SLC2A13: variants seen among roughly 807,000 people sequenced by gnomAD.
SLC2A13 encodes the protein solute carrier family 2 member 13.
Under a neutral mutation model 64.4 loss-of-function variants are expected in SLC2A13, and 32 were observed. The observed-to-expected ratio is 0.50, with a 90% CI of 0.37 to 0.67. The LOEUF (loss-of-function observed/expected upper bound fraction) is 0.67, where lower values mean the gene tolerates loss of function less well. Among genes scored for constraint, SLC2A13 ranks in the 30% least tolerant of loss-of-function variants. The pLI, the probability that SLC2A13 is intolerant of heterozygous loss-of-function variation, is 0.00. For synonymous variants in SLC2A13, 338 were observed against 327.1 expected (o/e 1.03, Z -0.36); for missense variants, 743 against 829.2 (o/e 0.90, Z 1.28).
At chr12:39,916,033 G>A (rs1351232975) in intron 4 of SLC2A13, among the ~76,000 whole-genome samples, 1 of 151,698 alleles carries the variant, frequency 6.6e-6, no homozygotes, top group Non-Finnish European at 1.5e-5. Context: ...ACAAATATCT[G>A]CCACCATTGA....
chr12:40,088,670 C>T lies in SLC2A13; in HGVS notation c.556+16583G>A, dbSNP rs375562562. On this transcript the variant is annotated intron_variant, in intron 1 of 9. Coordinates refer to ENST00000280871, the MANE Select transcript of SLC2A13 (RefSeq NM_052885.4). ...AACATGGTAAGACTTTCTAAAAATG[C>T]TTTTTATTCACACTTTACTTAAGAT... Among the ~76,000 whole-genome samples the T allele has an allele frequency of 9.2e-5, 14 of 152,180 alleles. No individual in the cohort carries two copies. The East Asian group carries it at 2.1e-3, about 23-fold the overall frequency.
chr12:39,906,348 A>C (rs986908553), intron 4 of SLC2A13, among the ~76,000 whole-genome samples: 1 of 152,156 alleles, frequency 6.6e-6, no homozygotes, highest in African/African-American at 2.4e-5. Context: ...AGTCATTGTC[A>C]GTCCTCCTGC....
chr12:39,784,918 GA>G (rs1310762807), intron 7 of SLC2A13, among the ~76,000 whole-genome samples: 3 of 152,210 alleles, frequency 2.0e-5, no homozygotes, highest in Non-Finnish European at 4.4e-5. Context: ...GTATCTGGTG[GA>G]AGAAATTTCT....
At chr12:39,896,418 A>ATGTGTG (rs1448924617) in intron 4 of SLC2A13, among the ~76,000 whole-genome samples, 28 of 140,902 alleles carry the variant, frequency 2.0e-4, no homozygotes, top group African/African-American at 7.0e-4. Flanking sequence ...ATATGTATGT[A>ATGTGTG]TATGTGTATA....
intron 4 of SLC2A13, among the ~76,000 whole-genome samples, chr12:39,920,326 C>G (rs1197350496): frequency 6.6e-6 from 1 of 152,068 alleles, no homozygotes; most frequent in Non-Finnish European, 1.5e-5. Context: ...GCACATTGTT[C>G]TGAACAACGT....
At position 40,028,284 on chromosome 12, in the gene SLC2A13, G is replaced by C; in HGVS notation, c.925+17C>G. ...CTGTATAGTTTTTAAATTCATATAA[G>C]TATAAAGTCTATATACCTGAGCCAA... On this transcript the variant is annotated intron_variant, in intron 3 of 9. Transcript: ENST00000280871. 1 of 1,595,398 alleles carries C rather than the reference G, an allele frequency of 6.3e-7. No homozygotes were observed. The highest frequency in any genetic ancestry group is 8.6e-7 in the Non-Finnish European group (1 of 1,166,482).
At chr12:39,917,919 T>C (rs1374779445) in intron 4 of SLC2A13, among the ~76,000 whole-genome samples, 7 of 152,002 alleles carry the variant, frequency 4.6e-5, no homozygotes, top group Non-Finnish European at 7.4e-5. Flanking sequence ...TTTTCCTTCT[T>C]CCCTAATCTC....
chr12:39,938,581 GA>G (rs1945962285), intron 4 of SLC2A13, among the ~76,000 whole-genome samples: 1 of 151,108 alleles, frequency 6.6e-6, no homozygotes, highest in Non-Finnish European at 1.5e-5. Context: ...ATCATACAAA[GA>G]AAAAAGGATA....
chr12:39,876,200 C>T (rs79877717), intron 4 of SLC2A13, among the ~76,000 whole-genome samples: 2 of 152,124 alleles, frequency 1.3e-5, no homozygotes, highest in African/African-American at 2.4e-5. Flanking sequence ...CGGAAATCTA[C>T]GTGCATTGCT....
At chr12:39,978,331 G>A (rs1000874638) in intron 3 of SLC2A13, among the ~76,000 whole-genome samples, 5 of 152,186 alleles carry the variant, frequency 3.3e-5, no homozygotes, top group Non-Finnish European at 5.9e-5. Flanking sequence ...CAAGATGGCC[G>A]AATAGGAACA....
At chr12:40,096,706 T>C (rs1938954901) in intron 1 of SLC2A13, among the ~76,000 whole-genome samples, 1 of 151,992 alleles carries the variant, frequency 6.6e-6, no homozygotes, top group Non-Finnish European at 1.5e-5. Flanking sequence ...CCATTCATCC[T>C]ATACTGGTTT....
chr12:39,963,556 T>TTGGCA lies in SLC2A13; in HGVS notation c.926-12192_926-12191insTGCCA, dbSNP rs561898046. Reference sequence around the variant, plus strand: ...ACAGTTCTATCAAGTTCAATCAAGATATGTACTGCCAAACTATTCTTACAA... The same window carrying TTGGCA: ...ACAGTTCTATCAAGTTCAATCAAGATTGGCAATGTACTGCCAAACTATTCTTACAA... On this transcript the variant is annotated intron_variant, in intron 3 of 9. Transcript: ENST00000280871. 2.7e-3 allele frequency among the ~76,000 whole-genome samples: 413 copies of TTGGCA among 152,318 alleles called. 2 individuals carry two copies. Among genetic ancestry groups the TTGGCA allele is most frequent in the African/African-American group, 9.3e-3 (387 of 41,586 alleles).
intron 7 of SLC2A13, among the ~76,000 whole-genome samples, chr12:39,786,139 T>G (rs1472190630): frequency 6.6e-6 from 1 of 152,102 alleles, no homozygotes; most frequent in Non-Finnish European, 1.5e-5. Flanking sequence ...ATGATGTGCT[T>G]TGGCTTTGTC....
Position 39,837,821 on chromosome 12 carries a change from CATT to C in SLC2A13, c.1320-7596_1320-7594del, listed in dbSNP as rs1222518895. On this transcript the variant is annotated intron_variant, in intron 6 of 9. Transcript: ENST00000280871. ...ATCTCACACCAGTTAGAATGGCAAT[CATT>C]AAAAAGTCAGGAAACAACAGGTGCT... 7.2e-5 allele frequency among the ~76,000 whole-genome samples: 11 copies of C among 152,112 alleles called. No individual in the cohort carries two copies. The East Asian group carries it at 9.7e-4, about 13-fold the overall frequency.
At chr12:39,993,650 C>T (rs1183209074) in intron 3 of SLC2A13, among the ~76,000 whole-genome samples, 2 of 152,126 alleles carry the variant, frequency 1.3e-5, no homozygotes, top group African/African-American at 4.8e-5. Flanking sequence ...TGATGTAGTC[C>T]CATCTCTTTT....
chr12:40,036,770 T>C (rs1437472376), intron 2 of SLC2A13, among the ~76,000 whole-genome samples: 1 of 152,300 alleles, frequency 6.6e-6, no homozygotes, highest in East Asian at 1.9e-4. Context: ...TGATTTTCCA[T>C]AAAAAATTTA....
intron 3 of SLC2A13, among the ~76,000 whole-genome samples, chr12:39,964,344 G>A (rs1052230354): frequency 1.3e-5 from 2 of 152,138 alleles, no homozygotes; most frequent in African/African-American, 4.8e-5. Context: ...CTATAAAAAA[G>A]GGTAGTGCTA....
Position 39,755,628 on chromosome 12 carries a change from T to C in SLC2A13, c.*4398A>G, listed in dbSNP as rs1939952591. On this transcript the variant is annotated 3_prime_UTR_variant, in exon 10 of 10. Coordinates refer to ENST00000280871, the MANE Select transcript of SLC2A13 (RefSeq NM_052885.4). ...AAAACTTTAAAACTTTACAAAATGTTGGTTACTCATTAGCTGCATGATCCA... is the reference window on the plus strand; with the variant it reads ...AAAACTTTAAAACTTTACAAAATGTCGGTTACTCATTAGCTGCATGATCCA... 1 of 152,072 alleles carries C rather than the reference T, an allele frequency of 6.6e-6. No individual in the cohort carries two copies. The highest frequency in any genetic ancestry group is 1.5e-5 in the Non-Finnish European group (1 of 67,902). 9.4% of individuals were successfully genotyped at this position (152,072 alleles called of 1,614,324 possible).
Position 40,065,669 on chromosome 12 carries a change from C to T in SLC2A13, c.557-17459G>A, listed in dbSNP as rs17461006. Among the ~76,000 whole-genome samples, 716 of 152,240 alleles carry T rather than the reference C, an allele frequency of 4.7e-3. 19 individuals are homozygous for T. In the East Asian group the frequency reaches 0.093, roughly 20 times the overall value. Reference sequence around the variant, plus strand: ...GCTTGGACACCTTATAACTTCTCTACCACAACCTGAAGTGACCCAAAGGGC... The same window carrying T: ...GCTTGGACACCTTATAACTTCTCTATCACAACCTGAAGTGACCCAAAGGGC... On this transcript the variant is annotated intron_variant, in intron 1 of 9. Coordinates refer to ENST00000280871, the MANE Select transcript of SLC2A13 (RefSeq NM_052885.4).
Sources: allele counts gnomAD v4.1 joint callset (sites outside exome capture counted in the v4.1 genomes callset), GRCh38; gene constraint gnomAD v4.1.1; transcripts MANE v1.5; gene names NCBI Gene and HGNC (gene_info 2026-07-23, HGNC 2026-07-21).